PHACTR1: variants seen among roughly 807,000 people sequenced by gnomAD.
PHACTR1 encodes the protein RPEL repeat containing 1.
A neutral mutation model predicts 69.2 loss-of-function variants in PHACTR1; 16 were observed. That is an observed-to-expected ratio of 0.23 (90% confidence interval 0.16 to 0.35). The LOEUF is 0.35. PHACTR1 is among the 10% of genes least tolerant of loss of function. PHACTR1 has a pLI of 1.00. For synonymous variants in PHACTR1, 312 were observed against 284.5 expected, an observed-to-expected ratio of 1.10 and a Z score of -0.97; for missense variants, 510 against 734.7, an observed-to-expected ratio of 0.69 and a Z score of 3.54.
intron 4 of PHACTR1, among the ~76,000 whole-genome samples, chr6:12,778,644 A>T (rs1770400474): frequency 6.6e-6 from 1 of 152,242 alleles, no homozygotes; most frequent in African/African-American, 2.4e-5. Flanking sequence ...GAATCTTAAA[A>T]ACATGTCCAA....
chr6:13,030,553 G>A (rs1318565934), intron 4 of PHACTR1, among the ~76,000 whole-genome samples: 1 of 152,136 alleles, frequency 6.6e-6, no homozygotes, highest in Non-Finnish European at 1.5e-5. Context: ...TAATTGCTTG[G>A]CTTTGTTAAT....
chr6:12,978,569 C>G (rs1386483844), intron 4 of PHACTR1, among the ~76,000 whole-genome samples: 2 of 152,206 alleles, frequency 1.3e-5, no homozygotes, highest in African/African-American at 4.8e-5. Context: ...TAAAAATAAG[C>G]ATTCTTTCCC....
intron 10 of PHACTR1, among the ~76,000 whole-genome samples, chr6:13,258,166 T>C (rs887377621): frequency 6.6e-6 from 1 of 152,056 alleles, no homozygotes; most frequent in Non-Finnish European, 1.5e-5. Flanking sequence ...GAGACCAGCC[T>C]GGCCAACATG....
rs138174585 is a variant in PHACTR1 at position 13,261,613 on chromosome 6, G to C, written c.1392-11247G>C. On this transcript the variant is annotated intron_variant, in intron 10 of 14. Coordinates refer to ENST00000332995, the MANE Select transcript of PHACTR1 (RefSeq NM_030948.6). ...ATTCTATGGACAGGAAGCTATCCCT[G>C]GTTGTCTAAGTGAGGCAGAGGTGGC... Among the ~76,000 whole-genome samples the C allele has an allele frequency of 7.0e-4, 106 of 152,338 alleles. 1 individual carries two copies. Among genetic ancestry groups the C allele is most frequent in the African/African-American group, 2.4e-3 (100 of 41,570 alleles).
chr6:12,982,287 A>G (rs569758506), intron 4 of PHACTR1, among the ~76,000 whole-genome samples: 3 of 152,212 alleles, frequency 2.0e-5, no homozygotes, highest in South Asian at 2.1e-4. Flanking sequence ...CTAGTCCCCA[A>G]AGCAACTTTC....
At chr6:12,889,499 T>C (rs1268014257) in intron 4 of PHACTR1, among the ~76,000 whole-genome samples, 1 of 152,214 alleles carries the variant, frequency 6.6e-6, no homozygotes, top group Non-Finnish European at 1.5e-5. Context: ...ATTAAAATGA[T>C]TTTGTCGGCC....
chr6:13,082,460 A>C (rs549763469), intron 5 of PHACTR1, among the ~76,000 whole-genome samples: 19 of 152,316 alleles, frequency 1.2e-4, no homozygotes, highest in African/African-American at 4.3e-4. Context: ...AGAAATGTGG[A>C]AGAAACAGTT....
At position 13,257,445 on chromosome 6, in the gene PHACTR1, A is replaced by G. The variant is rs545571163; in HGVS notation, c.1392-15415A>G. 7.9e-5 allele frequency among the ~76,000 whole-genome samples: 12 copies of G among 152,322 alleles called. No homozygotes were observed. In the South Asian group the frequency reaches 2.3e-3, roughly 29 times the overall value. ...TATTATACATCATAATCATCTTTCT[A>G]ATTCCCACCCATCCAGCACCTTATC... On this transcript the variant is annotated intron_variant, in intron 10 of 14. Coordinates refer to ENST00000332995, the MANE Select transcript of PHACTR1 (RefSeq NM_030948.6).
chr6:12,848,778 T>G (rs1779537382), intron 4 of PHACTR1, among the ~76,000 whole-genome samples: 1 of 152,210 alleles, frequency 6.6e-6, no homozygotes. Context: ...CTAAATGAAC[T>G]CCCCTGAGAA....
At position 13,283,559 on chromosome 6, in the gene PHACTR1, C is replaced by CA; in HGVS notation, c.1650dup (p.Ala551SerfsTer9). The CA allele has an allele frequency of 6.2e-7, 1 of 1,613,806 alleles. No individual in the cohort carries two copies. On this transcript the variant is annotated frameshift_variant, in exon 13 of 15. Transcript: ENST00000332995. LOFTEE classifies it high-confidence loss of function. This position sits in a 1 kb window ranked among gnomAD's most constrained non-coding sequence, Gnocchi z 4.7. Reference sequence around the variant, plus strand: ...CGTGGACCCGCCTCACCGCTGCAGACAAAGTAAGCAGAGGGGAGTGCTGGA... The same window carrying CA: ...CGTGGACCCGCCTCACCGCTGCAGACAAAAGTAAGCAGAGGGGAGTGCTGGA...
chr6:13,258,614 A>G (rs775738290), intron 10 of PHACTR1, among the ~76,000 whole-genome samples: 8 of 152,188 alleles, frequency 5.3e-5, no homozygotes, highest in Non-Finnish European at 1.0e-4. Context: ...AAGGGTGATG[A>G]TTGGCAGTGG....
chr6:13,142,373 G>A (rs1822618352), intron 5 of PHACTR1, among the ~76,000 whole-genome samples: 1 of 152,142 alleles, frequency 6.6e-6, no homozygotes, highest in East Asian at 1.9e-4. Flanking sequence ...CAAAGTGCTA[G>A]GATTACAGGT....
chr6:12,936,535 GT>G (rs1054984448), intron 4 of PHACTR1, among the ~76,000 whole-genome samples: 6 of 152,186 alleles, frequency 3.9e-5, no homozygotes, highest in African/African-American at 1.4e-4. Context: ...AATAATTTAA[GT>G]GACTGTTTAC....
At chr6:13,181,752 T>C (rs1403869415) in intron 6 of PHACTR1, among the ~76,000 whole-genome samples, 1 of 151,978 alleles carries the variant, frequency 6.6e-6, no homozygotes, top group East Asian at 1.9e-4. Context: ...AGTAGAGAAA[T>C]TGGACCAGGG....
chr6:12,893,327 G>T (rs1784336116), intron 4 of PHACTR1, among the ~76,000 whole-genome samples: 1 of 152,116 alleles, frequency 6.6e-6, no homozygotes, highest in African/African-American at 2.4e-5. Context: ...CTGGGGCACA[G>T]AAATCCAAAA....
At chr6:12,798,095 G>A (rs1268134272) in intron 4 of PHACTR1, among the ~76,000 whole-genome samples, 3 of 117,488 alleles carry the variant, frequency 2.6e-5, no homozygotes, top group Admixed American at 8.8e-5. Flanking sequence ...ATAAGGGGAG[G>A]GACTTTGGTT....
At chr6:12,910,000 C>T (rs922256947) in intron 4 of PHACTR1, among the ~76,000 whole-genome samples, 7 of 152,354 alleles carry the variant, frequency 4.6e-5, no homozygotes, top group South Asian at 2.1e-4. Context: ...CCGCAGCCTT[C>T]GCCTGGTGGT....
In PHACTR1 at chr6:12,798,039, G is replaced by GACACACACACACACACACACAC. The variant is rs10529531; in HGVS notation, c.250+48258_250+48279dup. Among the ~76,000 whole-genome samples, 943 of 137,864 alleles carry GACACACACACACACACACACAC rather than the reference G, an allele frequency of 6.8e-3. 23 individuals are homozygous for GACACACACACACACACACACAC. The highest frequency in any genetic ancestry group is 0.018 in the African/African-American group (644 of 35,808). 90.4% of individuals were successfully genotyped at this position (137,864 alleles called of 152,430 possible). A position where few individuals can be genotyped will look rare whatever the true frequency, so the allele number is the denominator to read the frequency against. ...ACTGTCAATGTCTCATCATTTCCTA[G>GACACACACACACACACACACAC]ACACACACACACACACACACACACA... is the stretch of plus-strand genomic sequence containing the variant. On this transcript the variant is annotated intron_variant, in intron 4 of 14. Coordinates refer to ENST00000332995, the MANE Select transcript of PHACTR1 (RefSeq NM_030948.6).
At chr6:12,838,597 G>A (rs1297682692) in intron 4 of PHACTR1, among the ~76,000 whole-genome samples, 3 of 152,110 alleles carry the variant, frequency 2.0e-5, no homozygotes, top group Non-Finnish European at 4.4e-5. Flanking sequence ...TCGTAAAATG[G>A]GAGGCCCTCA....
Sources: gnomAD v4.1 joint callset for allele counts (sites outside exome capture counted in the v4.1 genomes callset) on GRCh38, gnomAD v4.1.1 for gene constraint, Gnocchi (gnomAD v3.1) non-coding constraint, MANE v1.5 for transcripts, NCBI Gene and HGNC (gene_info 2026-07-23, HGNC 2026-07-21) for gene names.